Variants in RIT2 observed in about 807,000 individuals in gnomAD.
RIT2 encodes Ras like without CAAX 2, also known as GTP-binding protein Rit2.
A neutral mutation model predicts 23.7 loss-of-function variants in RIT2; 24 were observed. The observed-to-expected ratio is 1.01, with a 90% CI of 0.73 to 1.43. The LOEUF is 1.43. Ranked by LOEUF, RIT2 falls within the 40% of genes most tolerant of loss-of-function variation. The pLI, the probability that RIT2 is intolerant of heterozygous loss-of-function variation, is 0.00. For missense variants in RIT2, 236 were observed against 266.9 expected (o/e 0.88, Z 0.81); for synonymous variants, 107 against 91.1 (o/e 1.17, Z -0.99).
chr18:42,911,492 A>G (rs73473617), intron 4 of RIT2, among the ~76,000 whole-genome samples: 1 of 152,204 alleles, frequency 6.6e-6, no homozygotes, highest in African/African-American at 2.4e-5. Flanking sequence ...AGACATCTCA[A>G]CAGATCCATG....
chr18:42,957,236 C>A (rs1909993184), intron 3 of RIT2, among the ~76,000 whole-genome samples: 3 of 152,038 alleles, frequency 2.0e-5, no homozygotes, highest in Admixed American at 2.0e-4. Flanking sequence ...ACAAAATATC[C>A]ATAATGCATC....
At chr18:42,835,592 A>G (rs972957366) in intron 4 of RIT2, among the ~76,000 whole-genome samples, 2 of 152,154 alleles carry the variant, frequency 1.3e-5, no homozygotes, top group Admixed American at 1.3e-4. Flanking sequence ...TGTGCAGAGA[A>G]GCACAAATAA....
At chr18:43,065,064 C>T (rs925846546) in intron 1 of RIT2, among the ~76,000 whole-genome samples, 4 of 151,880 alleles carry the variant, frequency 2.6e-5, no homozygotes, top group South Asian at 4.1e-4. Context: ...ATGATCTGCC[C>T]GCCTCAGCTT....
chr18:42,993,767 C>T (rs1471308416), intron 2 of RIT2, among the ~76,000 whole-genome samples: 1 of 152,038 alleles, frequency 6.6e-6, no homozygotes, highest in East Asian at 1.9e-4. Context: ...CCACCTTAGC[C>T]CACAAGTATA....
intron 4 of RIT2, among the ~76,000 whole-genome samples, chr18:42,892,073 A>G (rs576644941): frequency 6.6e-6 from 1 of 152,272 alleles, no homozygotes; most frequent in East Asian, 1.9e-4. Flanking sequence ...TAAAAAATAA[A>G]GCCTATTCAC....
chr18:42,752,893 G>A (rs1032202041), intron 4 of RIT2, among the ~76,000 whole-genome samples: 2 of 152,120 alleles, frequency 1.3e-5, no homozygotes, highest in African/African-American at 4.8e-5. Flanking sequence ...GGAGGCCTTA[G>A]AAAGCAATGG....
chr18:42,967,633 C>T (rs956367445), intron 3 of RIT2, among the ~76,000 whole-genome samples: 7 of 147,124 alleles, frequency 4.8e-5, no homozygotes, highest in Admixed American at 2.1e-4. Flanking sequence ...CCTCGTGATC[C>T]GCTCATCTCG....
chr18:42,930,955 A>T (rs1001814251), intron 3 of RIT2, among the ~76,000 whole-genome samples: 6 of 152,110 alleles, frequency 3.9e-5, no homozygotes, highest in African/African-American at 1.2e-4. Context: ...TTTTATAAAA[A>T]TGGTTTTTGA....
At chr18:43,011,456 G>A (rs1034215639) in intron 2 of RIT2, among the ~76,000 whole-genome samples, 2 of 151,544 alleles carry the variant, frequency 1.3e-5, no homozygotes, top group Non-Finnish European at 2.9e-5. Flanking sequence ...TTTTGGGCAT[G>A]GATTGCACAG....
chr18:42,766,369 T>C (rs1913422225), intron 4 of RIT2, among the ~76,000 whole-genome samples: 2 of 152,196 alleles, frequency 1.3e-5, no homozygotes, highest in African/African-American at 4.8e-5. Flanking sequence ...TGACTCTTCC[T>C]ATGTTTTAGC....
At chr18:42,772,640 C>T (rs906962707) in intron 4 of RIT2, among the ~76,000 whole-genome samples, 3 of 152,130 alleles carry the variant, frequency 2.0e-5, no homozygotes, top group Admixed American at 6.6e-5. Flanking sequence ...CTAATTTTTG[C>T]TCTTTGACCG....
chr18:43,112,535 G>C (rs963450102), intron 1 of RIT2, among the ~76,000 whole-genome samples: 1 of 152,110 alleles, frequency 6.6e-6, no homozygotes, highest in African/African-American at 2.4e-5. Flanking sequence ...AATCTTGTGG[G>C]AATTCCTATT....
intron 4 of RIT2, among the ~76,000 whole-genome samples, chr18:42,851,311 C>A (rs1907048672): frequency 6.6e-6 from 1 of 152,124 alleles, no homozygotes; most frequent in Admixed American, 6.6e-5. Flanking sequence ...TGACAATAAG[C>A]CAGTTGTGTA....
chr18:42,880,804 CTTTTTTTTTTTT>C (rs397966126), intron 4 of RIT2, among the ~76,000 whole-genome samples: 1 of 115,560 alleles, frequency 8.7e-6, no homozygotes, highest in Non-Finnish European at 1.7e-5. Context: ...CTTCCTACCT[CTTTTTTTTTTTT>C]TTTTTTTTGA....
intron 4 of RIT2, among the ~76,000 whole-genome samples, chr18:42,906,626 T>C (rs961224697): frequency 1.3e-5 from 2 of 152,206 alleles, no homozygotes; most frequent in African/African-American, 4.8e-5. Flanking sequence ...TCTGTCCTGC[T>C]GTTCCTAATG....
Position 43,012,731 on chromosome 18 carries a change from A to T in RIT2, c.160+21080T>A, listed in dbSNP as rs1330476983. On this transcript the variant is annotated intron_variant, in intron 2 of 4. Coordinates refer to ENST00000326695, the MANE Select transcript of RIT2 (RefSeq NM_002930.4). The stretch of plus-strand genomic sequence containing the variant: ...AGTAATTTTTATTCAACATTTATCT[A>T]AAGTTTATAAAGTCTTGCACATATA... Among the ~76,000 whole-genome samples the T allele has an allele frequency of 2.4e-4, 3 of 12,362 alleles. No individual in the cohort carries two copies. In the Non-Finnish European group the frequency reaches 0.01, roughly 43 times the overall value. The allele number at this position is 12,362 out of a possible 152,430, so 8.1% of individuals were successfully genotyped here.
At chr18:42,839,117 G>A (rs1449083232) in intron 4 of RIT2, among the ~76,000 whole-genome samples, 2 of 152,180 alleles carry the variant, frequency 1.3e-5, no homozygotes, top group Non-Finnish European at 2.9e-5. Flanking sequence ...ACTGGAAAAT[G>A]AGAAGAGCAA....
At chr18:42,865,939 C>T (rs1907457810) in intron 4 of RIT2, among the ~76,000 whole-genome samples, 1 of 152,198 alleles carries the variant, frequency 6.6e-6, no homozygotes, top group Admixed American at 6.5e-5. Flanking sequence ...CCAATTTCTA[C>T]CTAGGCAACT....
chr18:42,986,042 C>CTT (rs1271886309), intron 2 of RIT2, among the ~76,000 whole-genome samples: 2 of 136,198 alleles, frequency 1.5e-5, no homozygotes, highest in African/African-American at 5.4e-5. Flanking sequence ...TTTTTCTTTT[C>CTT]TTTTTTTTTT....
Sources: gnomAD v4.1 joint callset for allele counts (sites outside exome capture counted in the v4.1 genomes callset) on GRCh38, gnomAD v4.1.1 for gene constraint, MANE v1.5 for transcripts, NCBI Gene and HGNC (gene_info 2026-07-23, HGNC 2026-07-21) for gene names.